ACADSB: variants seen among roughly 807,000 people sequenced by gnomAD.
ACADSB encodes the protein acyl-CoA dehydrogenase short/branched chain.
A neutral mutation model predicts 54.1 loss-of-function variants in ACADSB; 40 were observed. The observed-to-expected ratio is 0.74, with a 90% CI of 0.57 to 0.96. ACADSB has a LOEUF of 0.96. Among genes scored for constraint, ACADSB ranks in the 40% least tolerant of loss-of-function variants. The pLI is 0.00. For synonymous variants in ACADSB, 182 were observed against 182.8 expected (o/e 1.00, Z 0.03); for missense variants, 530 against 510.4 (o/e 1.04, Z -0.37).
At position 123,057,838 on chromosome 10, in the gene ACADSB, T is replaced by A. The variant is rs1012966445; in HGVS notation, c.*4073T>A. The A allele has an allele frequency of 2.6e-5, 4 of 152,248 alleles. No homozygotes were observed. The South Asian group carries it at 8.3e-4, about 32-fold the overall frequency. 9.4% of individuals were successfully genotyped at this position (152,248 alleles called of 1,614,324 possible). On this transcript the variant is annotated 3_prime_UTR_variant, in exon 11 of 11. Transcript: ENST00000358776. The stretch of plus-strand genomic sequence containing the variant: ...AACGAAGACAAGAATCCAAATGTAC[T>A]TGGGGACAAGAATTAGTCCCCAAAT...
intron 1 of ACADSB, among the ~76,000 whole-genome samples, chr10:123,010,192 G>A (rs1175149994): frequency 6.6e-6 from 1 of 152,238 alleles, no homozygotes; most frequent in African/African-American, 2.4e-5. Context: ...ATACTCTGTG[G>A]TAGGCACGTT....
Position 123,051,188 on chromosome 10 carries a change from T to TAAAAAAAAAAAAAAAAAAAAAAGAA in ACADSB, c.1128+24_1128+25insGAAAAAAAAAAAAAAAAAAAAAAAA. 9.8e-7 allele frequency: 1 copy of TAAAAAAAAAAAAAAAAAAAAAAGAA among 1,015,738 alleles called. No individual in the cohort carries two copies. Among genetic ancestry groups the TAAAAAAAAAAAAAAAAAAAAAAGAA allele is most frequent in the Non-Finnish European group, 1.2e-6 (1 of 824,600 alleles). The allele number at this position is 1,015,738 out of a possible 1,614,324, so 62.9% of individuals were successfully genotyped here. On this transcript the variant is annotated splice_region_variant and intron_variant, in intron 9 of 10. Coordinates refer to ENST00000358776, the MANE Select transcript of ACADSB (RefSeq NM_001609.4). ...ATGGCCAAATACTATGCATCAGAGG[T>TAAAAAAAAAAAAAAAAAAAAAAGAA]AAAAAAAAAAAAAAAAAAAAAAAAG...
At chr10:123,036,512 A>C (rs1289669812) in intron 2 of ACADSB, among the ~76,000 whole-genome samples, 2 of 152,366 alleles carry the variant, frequency 1.3e-5, no homozygotes, top group East Asian at 3.9e-4. Flanking sequence ...TGCTTAGAGT[A>C]TCTTGATTCT....
Position 123,030,879 on chromosome 10 carries a change from T to C in ACADSB, c.43-3477T>C, listed in dbSNP as rs561050574. 4.4e-4 allele frequency among the ~76,000 whole-genome samples: 67 copies of C among 152,330 alleles called. 1 individual carries two copies. Among genetic ancestry groups the C allele is most frequent in the Middle Eastern group, 6.8e-3 (2 of 294 alleles). ...AAGATTAAACAACAATGTAGTAAAG[T>C]TTATAGACCTTTTCTCAAGGATTCA... On this transcript the variant is annotated intron_variant, in intron 1 of 10. Transcript: ENST00000358776.
intron 3 of ACADSB, among the ~76,000 whole-genome samples, chr10:123,038,859 C>T (rs1850434586): frequency 6.6e-6 from 1 of 152,216 alleles, no homozygotes; most frequent in African/African-American, 2.4e-5. Context: ...AACAGATGGA[C>T]TCTGTGAGTC....
intron 4 of ACADSB, 80 bp downstream of exon 4, chr10:123,040,752 A>G (rs1312725151): frequency 3.7e-6 from 5 of 1,355,254 alleles, no homozygotes; most frequent in Non-Finnish European, 5.2e-6. Flanking sequence ...AGTAGCTGCA[A>G]TGTCGACTTT....
intron 3 of ACADSB, among the ~76,000 whole-genome samples, chr10:123,039,116 A>G (rs552664745): frequency 3.9e-5 from 6 of 152,248 alleles, no homozygotes; most frequent in South Asian, 2.1e-4. Flanking sequence ...CAAAAACACT[A>G]TTTCCACGTT....
chr10:123,056,270 C>T lies in ACADSB; in HGVS notation c.*2505C>T. Reference sequence around the variant, plus strand: ...TAATTGGACTTACAGTTCCACATGGCCGGGGAGGCCTCAGAATCATGGCGG... The same window carrying T: ...TAATTGGACTTACAGTTCCACATGGTCGGGGAGGCCTCAGAATCATGGCGG... On this transcript the variant is annotated 3_prime_UTR_variant, in exon 11 of 11. Transcript: ENST00000358776. 4.5e-6 allele frequency: 1 copy of T among 220,132 alleles called. No individual in the cohort carries two copies. The highest frequency in any genetic ancestry group is 8.8e-6 in the Non-Finnish European group (1 of 113,316). 13.6% of individuals were successfully genotyped at this position (220,132 alleles called of 1,614,324 possible).
At chr10:123,016,110 G>A (rs1394357548) in intron 1 of ACADSB, among the ~76,000 whole-genome samples, 1 of 152,120 alleles carries the variant, frequency 6.6e-6, no homozygotes, top group African/African-American at 2.4e-5. Flanking sequence ...ACACGTTTTA[G>A]GTATTAATAA....
intron 1 of ACADSB, among the ~76,000 whole-genome samples, chr10:123,018,683 C>T (rs750083618): frequency 4.6e-5 from 7 of 152,264 alleles, no homozygotes; most frequent in Non-Finnish European, 8.8e-5. Flanking sequence ...TTAATGGATT[C>T]GCAGTTCCAC....
chr10:123,051,021 T>C, intron 8 of ACADSB, 28 bp from the exon 9 acceptor site: 1 of 1,608,740 alleles, frequency 6.2e-7, no homozygotes, highest in Non-Finnish European at 8.5e-7. Flanking sequence ...GAAATCATAA[T>C]TCTCTAACTT....
chr10:123,040,489 A>G lies in ACADSB; in HGVS notation c.327A>G (p.Pro109=). The G allele has an allele frequency of 6.2e-7, 1 of 1,614,158 alleles. No homozygotes were observed. The highest frequency in any genetic ancestry group is 1.3e-5 in the African/African-American group (1 of 75,058). The change falls in exon 4 of 11, where the codon CCA becomes CCG. Residue 109 remains proline, a synonymous_variant. Coordinates refer to ENST00000358776, the MANE Select transcript of ACADSB (RefSeq NM_001609.4). ...QQGLMGIEVD[P]EYGGTGASFL... The stretch of plus-strand genomic sequence containing the variant: ...AGTTGATGGGTATTGAAGTTGACCC[A>G]GAATATGGAGGCACAGGAGCTTCAT...
chr10:123,044,784 TA>T (rs889225470), intron 7 of ACADSB, among the ~76,000 whole-genome samples: 30 of 151,966 alleles, frequency 2.0e-4, no homozygotes, highest in Non-Finnish European at 4.3e-4. Flanking sequence ...TATGGCACTT[TA>T]AAAAAAATCA....
chr10:123,051,674 T>C lies in ACADSB; in HGVS notation c.1128+488T>C, dbSNP rs548947579. ...TAAAACTTTCTACTCATACATTTGC[T>C]TTCTAGAGCTAACACATTAGACTGA... is the stretch of plus-strand genomic sequence containing the variant. On this transcript the variant is annotated intron_variant, in intron 9 of 10. Transcript: ENST00000358776. Among the ~76,000 whole-genome samples the C allele has an allele frequency of 3.9e-5, 6 of 152,322 alleles. No individual in the cohort carries two copies. The South Asian group carries it at 1.2e-3, about 32-fold the overall frequency.
At chr10:123,045,843 G>A (rs1396827303) in intron 7 of ACADSB, among the ~76,000 whole-genome samples, 1 of 152,102 alleles carries the variant, frequency 6.6e-6, no homozygotes, top group Non-Finnish European at 1.5e-5. Context: ...ATTACTCCAA[G>A]TTATATAATA....
In ACADSB at chr10:123,044,428, T is replaced by C. The variant is rs1185963010; in HGVS notation, c.843T>C (p.His281=). The C allele has an allele frequency of 6.2e-6, 10 of 1,613,908 alleles. No individual in the cohort carries two copies. The highest frequency in any genetic ancestry group is 7.6e-6 in the Non-Finnish European group (9 of 1,179,910). Residue 281 remains histidine (H), a synonymous_variant, in exon 7 of 11, where the codon CAT becomes CAC. Transcript: ENST00000358776. ...CCAATATCTTGGGACAAATTGGACA[T>C]GGCTATAAGTATGCCATAGGGAGTC... The part of the protein sequence containing the change: ...PEANILGQIG[H]GYKYAIGSLN...
intron 4 of ACADSB, 65 bp downstream of exon 4, chr10:123,040,737 A>G (rs1850462396): frequency 6.7e-7 from 1 of 1,497,290 alleles, no homozygotes; most frequent in Non-Finnish European, 9.3e-7. Context: ...TATTTTCAGG[A>G]AAAAAGTAGC....
At chr10:123,035,236 G>A (rs180965705) in intron 2 of ACADSB, among the ~76,000 whole-genome samples, 67 of 152,136 alleles carry the variant, frequency 4.4e-4, no homozygotes, top group African/African-American at 1.5e-3. Flanking sequence ...GATTACAGGC[G>A]TGAGCCACCA....
chr10:123,027,488 T>G (rs749869243), intron 1 of ACADSB: 12 of 454,480 alleles, frequency 2.6e-5, no homozygotes, highest in South Asian at 1.9e-4. Flanking sequence ...GATGTGTTTA[T>G]CAGGGTTTCC....
Sources: allele counts gnomAD v4.1 joint callset (sites outside exome capture counted in the v4.1 genomes callset), GRCh38; gene constraint gnomAD v4.1.1; transcripts MANE v1.5; gene names NCBI Gene and HGNC (gene_info 2026-07-23, HGNC 2026-07-21).